The following PRELID2 variants were observed in gnomAD, a reference collection of about 807,000 sequenced individuals.
PRELID2 encodes PRELI domain containing 2, also known as PRELI domain-containing protein 2.
PRELID2 carries 25 observed loss-of-function variants against 28.4 expected under a neutral mutation model. The observed-to-expected ratio is 0.88, with a 90% CI of 0.64 to 1.23. The LOEUF is 1.23. Among genes scored for constraint, PRELID2 ranks in the 50% most tolerant of loss-of-function variants. The probability of loss-of-function intolerance (pLI) is 0.00; values close to 1 mark genes in which losing one functional copy is unlikely to be tolerated. For synonymous variants in PRELID2, 76 were observed against 71.6 expected, an observed-to-expected ratio of 1.06 and a Z score of -0.31; for missense variants, 201 against 214.4, an observed-to-expected ratio of 0.94 and a Z score of 0.39.
chr5:145,576,924 T>C (rs1489277539), intron 1 of PRELID2, among the ~76,000 whole-genome samples: 1 of 152,116 alleles, frequency 6.6e-6, no homozygotes, highest in African/African-American at 2.4e-5. Flanking sequence ...CATGTACCCC[T>C]AAAACATGTA....
chr5:145,347,685 C>G, the PRELID2 span, among the ~76,000 whole-genome samples: 1 of 151,988 alleles, frequency 6.6e-6, no homozygotes, highest in Non-Finnish European at 1.5e-5. Context: ...TTAGTAGCAG[C>G]TTTTACCCCC....
intron 1 of PRELID2, among the ~76,000 whole-genome samples, chr5:145,699,845 G>C (rs17103626): frequency 0.036 from 5,475 of 152,100 alleles, 243 homozygotes; most frequent in African/African-American, 0.11. Context: ...TTGTATTCTT[G>C]GGGATTCCAA....
chr5:145,420,087 T>C, the PRELID2 span, among the ~76,000 whole-genome samples: 188 of 152,278 alleles, frequency 1.2e-3, no homozygotes, highest in Non-Finnish European at 2.2e-3. Context: ...TCCATTGATC[T>C]ATATCTCTGT....
intron 1 of PRELID2, among the ~76,000 whole-genome samples, chr5:145,598,708 G>A (rs977372595): frequency 3.3e-5 from 5 of 152,088 alleles, no homozygotes; most frequent in African/African-American, 1.2e-4. Flanking sequence ...AGAGGATGAA[G>A]TAAGCACAGA....
At chr5:145,520,737 C>T (rs1004432098) in intron 1 of PRELID2, among the ~76,000 whole-genome samples, 1 of 152,138 alleles carries the variant, frequency 6.6e-6, no homozygotes, top group Non-Finnish European at 1.5e-5. Context: ...GTTTTAGTAT[C>T]CTTCTCCTAC....
intron 1 of PRELID2, among the ~76,000 whole-genome samples, chr5:145,721,061 A>G (rs1207126075): frequency 6.6e-6 from 1 of 152,146 alleles, no homozygotes; most frequent in African/African-American, 2.4e-5. Flanking sequence ...CAAAAAATAT[A>G]GCAGCAAGAA....
At chr5:145,832,812 C>T (rs867092109) in intron 1 of PRELID2, among the ~76,000 whole-genome samples, 47 of 152,116 alleles carry the variant, frequency 3.1e-4, no homozygotes, top group Middle Eastern at 3.4e-3. Context: ...CACCACACAC[C>T]CAGCCTTCCT....
At chr5:145,501,603 T>A (rs947103945) in intron 1 of PRELID2, among the ~76,000 whole-genome samples, 1 of 152,168 alleles carries the variant, frequency 6.6e-6, no homozygotes, top group African/African-American at 2.4e-5. Context: ...TCTTGCTGCC[T>A]CCAGGTATGA....
chr5:145,404,612 A>G, the PRELID2 span, among the ~76,000 whole-genome samples: 1 of 152,196 alleles, frequency 6.6e-6, no homozygotes, highest in Non-Finnish European at 1.5e-5. Context: ...AGTCACTTGC[A>G]TATCTTTCAG....
chr5:145,229,520 G>A, the PRELID2 span: 2 of 1,414,856 alleles, frequency 1.4e-6, no homozygotes, highest in Admixed American at 3.4e-5. Flanking sequence ...CCCCGTGAGG[G>A]TGACCAGCGT....
At chr5:145,482,879 C>T (rs978126933) in intron 1 of PRELID2, among the ~76,000 whole-genome samples, 10 of 151,730 alleles carry the variant, frequency 6.6e-5, no homozygotes, top group Admixed American at 6.6e-5. Context: ...ATAGGGTTCG[C>T]GCTCCTATGA....
At chr5:145,312,636 C>T in the PRELID2 span, among the ~76,000 whole-genome samples, 40,572 of 152,014 alleles carry the variant, frequency 0.27, 6,087 homozygotes, top group East Asian at 0.58. Context: ...TGGCTTATTT[C>T]ACTTAACATA....
At chr5:145,300,438 T>C in the PRELID2 span, among the ~76,000 whole-genome samples, 3 of 152,082 alleles carry the variant, frequency 2.0e-5, no homozygotes, top group Non-Finnish European at 4.4e-5. Flanking sequence ...TTAAATAAAA[T>C]ACAATCATTA....
intron 4 of PRELID2, among the ~76,000 whole-genome samples, chr5:145,800,335 C>T (rs188854031): frequency 9.3e-4 from 140 of 150,268 alleles, no homozygotes; most frequent in African/African-American, 3.3e-3. Context: ...CACACACACA[C>T]GAGTTATCCC....
rs543600071 is a variant in PRELID2, at chr5:145,620,571, AT to A, written n.70+144359del. On this transcript the variant is annotated intron_variant and non_coding_transcript_variant, in intron 1 of 2. Coordinates refer to the PRELID2 transcript ENST00000510259. ...AATATAAAACTTCTCTAAAAAATAA[AT>A]TTTTTTTAAAAAGTCCAGGTGTAGT... Among the ~76,000 whole-genome samples the A allele has an allele frequency of 6.3e-3, 955 of 152,278 alleles. 13 individuals are homozygous for A. The highest frequency in any genetic ancestry group is 0.021 in the African/African-American group (852 of 41,538).
rs528270171 is a variant in PRELID2, at chr5:145,511,077, C to T, written n.71-37762G>A. 1.5e-4 allele frequency among the ~76,000 whole-genome samples: 23 copies of T among 152,302 alleles called. No homozygotes were observed. In the South Asian group the frequency reaches 3.1e-3, roughly 21 times the overall value. Reference sequence around the variant, plus strand: ...AACTCAAAGGTGATGTCAGTCATGTCGCCTCTTGATTCAGAAGGGTAATGA... The same window carrying T: ...AACTCAAAGGTGATGTCAGTCATGTTGCCTCTTGATTCAGAAGGGTAATGA... On this transcript the variant is annotated intron_variant and non_coding_transcript_variant, in intron 1 of 2. Coordinates refer to the PRELID2 transcript ENST00000510259.
At position 145,700,317 on chromosome 5, in the gene PRELID2, T is replaced by A. The variant is rs115269762; in HGVS notation, n.70+64614A>T. ...ATGACCTCGGGCAACTTCAGTGATG[T>A]ATGTGAATCTCAGTTTACCAAATCC... On this transcript the variant is annotated intron_variant and non_coding_transcript_variant, in intron 1 of 2. Transcript: ENST00000510259. Among the ~76,000 whole-genome samples the A allele has an allele frequency of 2.5e-3, 374 of 152,134 alleles. 3 individuals are homozygous for A. The highest frequency in any genetic ancestry group is 8.4e-3 in the African/African-American group (350 of 41,472).
intron 1 of PRELID2, among the ~76,000 whole-genome samples, chr5:145,707,221 A>G (rs922305648): frequency 7.9e-5 from 12 of 152,212 alleles, no homozygotes; most frequent in Non-Finnish European, 1.3e-4. Context: ...TAATTTGCCC[A>G]GGACCCATAG....
intron 1 of PRELID2, among the ~76,000 whole-genome samples, chr5:145,679,594 T>TG (rs1237005438): frequency 2.6e-5 from 4 of 152,136 alleles, no homozygotes; most frequent in Non-Finnish European, 5.9e-5. Context: ...GCACTATGTC[T>TG]GGCACATATC....
Sources: gnomAD v4.1 joint callset for allele counts (sites outside exome capture counted in the v4.1 genomes callset) on GRCh38, gnomAD v4.1.1 for gene constraint, MANE v1.5 for transcripts, NCBI Gene and HGNC (gene_info 2026-07-23, HGNC 2026-07-21) for gene names.